The following RTN4 variants were observed in gnomAD, a reference collection of about 807,000 sequenced individuals.
RTN4 encodes reticulon-4.
RTN4 carries 32 observed loss-of-function variants against 90.4 expected under a neutral mutation model. The ratio of observed to expected loss-of-function variants is 0.35; its 90% confidence interval spans 0.27 to 0.48. RTN4 has a LOEUF of 0.48. Among genes scored for constraint, RTN4 ranks in the 20% least tolerant of loss-of-function variants. The pLI is 0.99. For missense variants in RTN4, 1,706 were observed against 1,430.2 expected (o/e 1.19, Z -3.11); for synonymous variants, 629 against 552.5 (o/e 1.14, Z -1.94).
chr2:55,053,286 C>G (rs2104992841), upstream of RTN4, among the ~76,000 whole-genome samples: 1 of 152,292 alleles, frequency 6.6e-6, no homozygotes, highest in Middle Eastern at 3.4e-3. Flanking sequence ...GTAAATATCA[C>G]TATCACTAAC....
intron 1 of RTN4, among the ~76,000 whole-genome samples, chr2:55,106,511 T>G (rs537329813): frequency 5.3e-5 from 8 of 152,092 alleles, no homozygotes; most frequent in African/African-American, 1.9e-4. Flanking sequence ...GCAAGTTTCA[T>G]GTAATATTTA....
chr2:54,985,019 T>G (rs905300861), intron 4 of RTN4, among the ~76,000 whole-genome samples: 15 of 152,092 alleles, frequency 9.9e-5, no homozygotes, highest in Non-Finnish European at 1.8e-4. Context: ...ACCTCAAAAA[T>G]CAAATGATGT....
chr2:55,127,104 C>T, the RTN4 span, among the ~76,000 whole-genome samples: 3 of 152,074 alleles, frequency 2.0e-5, no homozygotes, highest in Non-Finnish European at 4.4e-5. Context: ...ATAACAAACA[C>T]CCATAACTCG....
rs201348166 is a variant in RTN4, at chr2:54,972,764, G to A, written c.*392C>T. 9.1e-5 allele frequency: 15 copies of A among 164,102 alleles called. No individual in the cohort carries two copies. The highest frequency in any genetic ancestry group is 2.9e-4 in the African/African-American group (12 of 41,242). 10.2% of individuals were successfully genotyped at this position (164,102 alleles called of 1,614,324 possible). A position where few individuals can be genotyped will look rare whatever the true frequency, so the allele number is the denominator to read the frequency against. ...TCAGAAAATCTGCATCAATCTACACGGACCATACACAGTGCACAAACTGAA... is the reference window on the plus strand; with the variant it reads ...TCAGAAAATCTGCATCAATCTACACAGACCATACACAGTGCACAAACTGAA... On this transcript the variant is annotated 3_prime_UTR_variant, in exon 9 of 9. Transcript: ENST00000337526.
intron 3 of RTN4, among the ~76,000 whole-genome samples, chr2:55,007,020 T>C (rs1680276461): frequency 6.6e-6 from 1 of 152,194 alleles, no homozygotes; most frequent in South Asian, 2.1e-4. Flanking sequence ...GCTTCCGAGA[T>C]GTTCTATCAT....
chr2:54,982,412 A>T, intron 5 of RTN4, 103 bp downstream of exon 5: 1 of 972,114 alleles, frequency 1.0e-6, no homozygotes, highest in Non-Finnish European at 1.5e-6. Flanking sequence ...TGATTTAATT[A>T]ATATTTATCA....
At chr2:55,000,423 C>T (rs988727310) in intron 3 of RTN4, among the ~76,000 whole-genome samples, 3 of 152,076 alleles carry the variant, frequency 2.0e-5, no homozygotes, top group Non-Finnish European at 2.9e-5. Context: ...AGTGCTTTGG[C>T]GAATTTGAAC....
chr2:55,014,390 C>A (rs1422169538), intron 3 of RTN4: 2 of 152,012 alleles, frequency 1.3e-5, no homozygotes, highest in African/African-American at 4.8e-5. Flanking sequence ...TCTTAAACAC[C>A]CAAAGCATTT....
chr2:54,973,080 T>G lies in RTN4; in HGVS notation c.*76A>C. The G allele has an allele frequency of 7.9e-7, 1 of 1,271,130 alleles. No individual in the cohort carries two copies. The highest frequency in any genetic ancestry group is 2.4e-5 in the East Asian group (1 of 42,436). 78.7% of individuals were successfully genotyped at this position (1,271,130 alleles called of 1,614,324 possible). On this transcript the variant is annotated 3_prime_UTR_variant, in exon 9 of 9. Coordinates refer to ENST00000337526, the MANE Select transcript of RTN4 (RefSeq NM_020532.5). ...TGCACTGCAACGTCAAGGTTCGTTC[T>G]TCCCTGACCCTCCCCCGTATAATCA...
the RTN4 span, among the ~76,000 whole-genome samples, chr2:55,132,510 A>G: frequency 6.6e-6 from 1 of 150,948 alleles, no homozygotes; most frequent in Non-Finnish European, 1.5e-5. Context: ...CTCAAAAAAA[A>G]AAAAACCTTT....
intron 3 of RTN4, among the ~76,000 whole-genome samples, chr2:54,996,108 G>C (rs891773776): frequency 6.6e-6 from 1 of 152,098 alleles, no homozygotes; most frequent in African/African-American, 2.4e-5. Flanking sequence ...AATTCCATTT[G>C]TAATAGCATA....
chr2:55,127,997 C>T, the RTN4 span, among the ~76,000 whole-genome samples: 3 of 151,788 alleles, frequency 2.0e-5, no homozygotes, highest in Admixed American at 6.6e-5. Context: ...ATTGCAGTCT[C>T]GACCTCCTGG....
chr2:55,132,813 C>A, the RTN4 span, among the ~76,000 whole-genome samples: 147 of 116,008 alleles, frequency 1.3e-3, no homozygotes, highest in African/African-American at 1.7e-3. Flanking sequence ...GACCGTCTCT[C>A]AAAAAAAAAA....
intron 1 of RTN4, among the ~76,000 whole-genome samples, chr2:55,040,763 T>C (rs913206882): frequency 1.3e-5 from 2 of 152,052 alleles, no homozygotes; most frequent in Non-Finnish European, 2.9e-5. Flanking sequence ...TTCATCTTTC[T>C]TGTCCTCTTA....
chr2:55,024,176 A>G (rs1324268815), intron 3 of RTN4, among the ~76,000 whole-genome samples: 1 of 152,152 alleles, frequency 6.6e-6, no homozygotes, highest in Non-Finnish European at 1.5e-5. Context: ...CATGCCAGAA[A>G]TGAAATCCAG....
intron 1 of RTN4, among the ~76,000 whole-genome samples, chr2:55,081,617 A>G (rs1668719604): frequency 6.6e-6 from 1 of 152,112 alleles, no homozygotes; most frequent in African/African-American, 2.4e-5. Context: ...TAATCCCAGC[A>G]TTTTGGAGGC....
At chr2:54,994,884 T>C (rs898458440) in intron 3 of RTN4, among the ~76,000 whole-genome samples, 6 of 152,242 alleles carry the variant, frequency 3.9e-5, no homozygotes, top group Non-Finnish European at 7.3e-5. Context: ...AATTTTACCA[T>C]AGGCTAATTT....
the RTN4 span, among the ~76,000 whole-genome samples, chr2:55,120,311 CT>C: frequency 6.6e-6 from 1 of 152,318 alleles, no homozygotes; most frequent in South Asian, 2.1e-4. Flanking sequence ...AGGTTTCCCC[CT>C]ATCTCCAGCT....
intron 1 of RTN4, among the ~76,000 whole-genome samples, chr2:55,029,407 A>G (rs932064424): frequency 4.6e-5 from 7 of 152,186 alleles, no homozygotes; most frequent in African/African-American, 1.7e-4. Flanking sequence ...CCTAAGCTAA[A>G]GATCTTCCAT....
Sources: gnomAD v4.1 joint callset for allele counts (sites outside exome capture counted in the v4.1 genomes callset) on GRCh38, gnomAD v4.1.1 for gene constraint, MANE v1.5 for transcripts, NCBI Gene and HGNC (gene_info 2026-07-23, HGNC 2026-07-21) for gene names.